Variants in RASGEF1C observed in about 807,000 individuals in gnomAD.
The protein encoded by RASGEF1C is ras-GEF domain-containing family member 1C.
RASGEF1C carries 27 observed loss-of-function variants against 58.1 expected under a neutral mutation model. The observed-to-expected ratio is 0.46, with a 90% CI of 0.34 to 0.64. The LOEUF is 0.64. Ranked by LOEUF, RASGEF1C falls within the 30% of genes least tolerant of loss-of-function variation. The pLI is 0.01. For missense variants in RASGEF1C, 502 were observed against 605.1 expected (o/e 0.83, Z 1.79); for synonymous variants, 243 against 246.3 (o/e 0.99, Z 0.13).
chr5:180,170,738 G>C (rs186096214), intron 1 of RASGEF1C, among the ~76,000 whole-genome samples: 1 of 152,314 alleles, frequency 6.6e-6, no homozygotes, highest in African/African-American at 2.4e-5. Context: ...TCTCCCTCCC[G>C]GGCCTGCCTG....
chr5:180,171,883 C>T (rs115840405), intron 1 of RASGEF1C, among the ~76,000 whole-genome samples: 3,292 of 152,272 alleles, frequency 0.022, 53 homozygotes, highest in Admixed American at 0.04. Flanking sequence ...GGGGTCTCCT[C>T]CGCTGCCTGG....
intron 1 of RASGEF1C, among the ~76,000 whole-genome samples, chr5:180,173,770 G>A (rs1006685024): frequency 3.3e-5 from 5 of 152,016 alleles, no homozygotes; most frequent in African/African-American, 7.2e-5. Flanking sequence ...GAAATTAGCT[G>A]GGCGTGGTGG....
intron 1 of RASGEF1C, among the ~76,000 whole-genome samples, chr5:180,154,803 G>A (rs944899896): frequency 4.0e-5 from 6 of 151,852 alleles, no homozygotes; most frequent in South Asian, 2.1e-4. Flanking sequence ...GGATGGTCTC[G>A]ATCTCCCGAC....
At chr5:180,176,594 T>C (rs184039404) in intron 1 of RASGEF1C, among the ~76,000 whole-genome samples, 2,224 of 150,830 alleles carry the variant, frequency 0.015, 55 homozygotes, top group African/African-American at 0.052. Context: ...TCTTGCTCTG[T>C]CGCCCAGGCT....
chr5:180,142,457 G>A (rs1223498727), intron 1 of RASGEF1C, among the ~76,000 whole-genome samples: 1 of 152,128 alleles, frequency 6.6e-6, no homozygotes, highest in Non-Finnish European at 1.5e-5. Flanking sequence ...CCTAATCAAA[G>A]CCTTGGAAAT....
chr5:180,147,674 ATC>A (rs1766677338), intron 1 of RASGEF1C, among the ~76,000 whole-genome samples: 1 of 152,172 alleles, frequency 6.6e-6, no homozygotes, highest in African/African-American at 2.4e-5. Flanking sequence ...TTCATATGAT[ATC>A]TCTCTTTTAA....
At chr5:180,200,202 G>A (rs1343180281) in intron 1 of RASGEF1C, among the ~76,000 whole-genome samples, 1 of 151,732 alleles carries the variant, frequency 6.6e-6, no homozygotes, top group Non-Finnish European at 1.5e-5. Flanking sequence ...GGAGGCGGAG[G>A]TTGCAGTGAG....
intron 1 of RASGEF1C, among the ~76,000 whole-genome samples, chr5:180,195,178 G>T (rs1325899604): frequency 6.7e-6 from 1 of 149,946 alleles, no homozygotes; most frequent in African/African-American, 2.5e-5. Flanking sequence ...TTGGGGAGCA[G>T]CTGGGGCATC....
Position 180,199,344 on chromosome 5 carries a change from G to A in RASGEF1C, c.-7+9684C>T, listed in dbSNP as rs559386876. ...TAGATTAAAGGGATCAAAAAGACACGGCAAACATCCAAGCCTTCATCACTG... is the reference window on the plus strand; with the variant it reads ...TAGATTAAAGGGATCAAAAAGACACAGCAAACATCCAAGCCTTCATCACTG... On this transcript the variant is annotated intron_variant, in intron 1 of 13. Coordinates refer to ENST00000361132, the MANE Select transcript of RASGEF1C (RefSeq NM_175062.4). Among the ~76,000 whole-genome samples, 68 of 152,232 alleles carry A rather than the reference G, an allele frequency of 4.5e-4. 1 individual carries two copies. Among genetic ancestry groups the A allele is most frequent in the Non-Finnish European group, 7.8e-4 (53 of 68,018 alleles).
chr5:180,185,122 C>G (rs1756010755), intron 1 of RASGEF1C, among the ~76,000 whole-genome samples: 3 of 151,644 alleles, frequency 2.0e-5, no homozygotes, highest in Admixed American at 2.0e-4. Flanking sequence ...GAAACCCCAT[C>G]TCTACTAAAA....
rs761187034 is a variant in RASGEF1C at position 180,130,945 on chromosome 5, C to T, written c.439-2335G>A. Among the ~76,000 whole-genome samples, 44 of 152,148 alleles carry T rather than the reference C, an allele frequency of 2.9e-4. 1 individual carries two copies. Among genetic ancestry groups the T allele is most frequent in the Non-Finnish European group, 6.5e-4 (44 of 68,014 alleles). ...CCAGTGTTGGTGGATAGCGCGTCGG[C>T]CACCAGACACACAGGCTTGGTGCCA... On this transcript the variant is annotated intron_variant, in intron 4 of 13. Transcript: ENST00000361132.
At chr5:180,150,471 C>T (rs1258649626) in intron 1 of RASGEF1C, among the ~76,000 whole-genome samples, 1 of 151,912 alleles carries the variant, frequency 6.6e-6, no homozygotes, top group Non-Finnish European at 1.5e-5. Context: ...GAAAACTGGA[C>T]ATTTGACTCT....
In RASGEF1C at chr5:180,128,535, C is replaced by G; in HGVS notation, c.514G>C (p.Gly172Arg). 1.9e-6 allele frequency: 3 copies of G among 1,614,158 alleles called. No homozygotes were observed. The highest frequency in any genetic ancestry group is 2.5e-6 in the Non-Finnish European group (3 of 1,180,028). ...KLAALRQGPEGLVGADKPISY... is the reference protein window; with the variant it reads ...KLAALRQGPERLVGADKPISY... ...ATGGGCTTGTCGGCACCCACCAGAC[C>G]TTCTGGCCCCTGGCGCAGAGCCGCC... Residue 172 changes from glycine (G) to arginine (R), a missense_variant, in exon 5 of 14, where the codon GGT becomes CGT. Gly to Arg is a moderately radical substitution (Grantham distance 125). Coordinates refer to ENST00000361132, the MANE Select transcript of RASGEF1C (RefSeq NM_175062.4).
intron 1 of RASGEF1C, among the ~76,000 whole-genome samples, chr5:180,194,979 A>G (rs575429312): frequency 1.3e-5 from 2 of 152,316 alleles, no homozygotes; most frequent in African/African-American, 4.8e-5. Flanking sequence ...CTGGTGAGGA[A>G]GGCCCAGCGC....
intron 10 of RASGEF1C, among the ~76,000 whole-genome samples, chr5:180,114,773 C>T (rs1355484981): frequency 2.0e-5 from 3 of 152,200 alleles, no homozygotes; most frequent in Non-Finnish European, 2.9e-5. Flanking sequence ...AAGGAGCAGG[C>T]GCGCATCACC....
At position 180,162,311 on chromosome 5, in the gene RASGEF1C, G is replaced by A. The variant is rs184071501; in HGVS notation, c.-6-24253C>T. Among the ~76,000 whole-genome samples the A allele has an allele frequency of 2.5e-3, 375 of 152,352 alleles. 2 individuals are homozygous for A. The highest frequency in any genetic ancestry group is 8.5e-3 in the African/African-American group (353 of 41,584). ...CATTGGCTCCTGAGTTCTCAAAGCA[G>A]CAGGGTAAAAATCCAGCTGGGCTGG... On this transcript the variant is annotated intron_variant, in intron 1 of 13. Coordinates refer to ENST00000361132, the MANE Select transcript of RASGEF1C (RefSeq NM_175062.4).
At chr5:180,109,192 C>G (rs989815988) in intron 12 of RASGEF1C, among the ~76,000 whole-genome samples, 4 of 152,142 alleles carry the variant, frequency 2.6e-5, no homozygotes, top group Non-Finnish European at 4.4e-5. Flanking sequence ...CGTGGTGGCT[C>G]ACGCCTGTAA....
intron 1 of RASGEF1C, among the ~76,000 whole-genome samples, chr5:180,191,501 C>T (rs957663491): frequency 1.2e-4 from 18 of 152,290 alleles, no homozygotes; most frequent in South Asian, 2.1e-4. Flanking sequence ...GGACTACAGG[C>T]GCCCGCCACC....
intron 4 of RASGEF1C, among the ~76,000 whole-genome samples, chr5:180,129,111 TG>T (rs1766318378): frequency 1.3e-5 from 2 of 152,140 alleles, no homozygotes; most frequent in Admixed American, 6.5e-5. Flanking sequence ...AGGAGGTCAG[TG>T]GAAGGGCCAG....
Sources: allele counts gnomAD v4.1 joint callset (sites outside exome capture counted in the v4.1 genomes callset), GRCh38; gene constraint gnomAD v4.1.1; transcripts MANE v1.5; gene names NCBI Gene and HGNC (gene_info 2026-07-23, HGNC 2026-07-21).